BMAL1: variants seen among roughly 807,000 people sequenced by gnomAD.
BMAL1 encodes basic helix-loop-helix ARNT-like protein 1.
the BMAL1 span, among the ~76,000 whole-genome samples, chr11:13,356,063 A>C: frequency 1.2e-4 from 18 of 152,112 alleles, no homozygotes; most frequent in African/African-American, 3.9e-4. Context: ...GATGCAACGA[A>C]ACTTGGTTTT....
chr11:13,385,306 T>TTTC, the BMAL1 span, among the ~76,000 whole-genome samples: 1 of 152,230 alleles, frequency 6.6e-6, no homozygotes, highest in Admixed American at 6.5e-5. Flanking sequence ...AACTCCACTT[T>TTTC]TTCTTCTTCA....
chr11:13,375,513 C>T, the BMAL1 span: 232 of 1,017,750 alleles, frequency 2.3e-4, no homozygotes, highest in African/African-American at 3.6e-3. Context: ...AGAGCGATGT[C>T]GTTGGAGCTC....
the BMAL1 span, among the ~76,000 whole-genome samples, chr11:13,313,776 T>G: frequency 6.6e-6 from 1 of 152,180 alleles, no homozygotes; most frequent in East Asian, 1.9e-4. Context: ...AGCTTTCTTT[T>G]GCTTAAAGCT....
the BMAL1 span, among the ~76,000 whole-genome samples, chr11:13,361,833 G>T: frequency 6.6e-6 from 1 of 151,940 alleles, no homozygotes; most frequent in Non-Finnish European, 1.5e-5. Context: ...AGGTACCTTT[G>T]CCAGGTCTAA....
the BMAL1 span, among the ~76,000 whole-genome samples, chr11:13,314,052 T>C: frequency 6.6e-6 from 1 of 152,016 alleles, no homozygotes; most frequent in Non-Finnish European, 1.5e-5. Flanking sequence ...AACTCCAGTT[T>C]CCCCCAAATC....
chr11:13,381,847 G>A, the BMAL1 span, among the ~76,000 whole-genome samples: 1 of 152,264 alleles, frequency 6.6e-6, no homozygotes, highest in Admixed American at 6.5e-5. Context: ...ATCTTTGCTG[G>A]AGAACTTATA....
At chr11:13,284,146 GTATA>G in the BMAL1 span, among the ~76,000 whole-genome samples, 2 of 61,014 alleles carry the variant, frequency 3.3e-5, no homozygotes, top group East Asian at 5.6e-4. Context: ...ATATATATGT[GTATA>G]TATATATATG....
the BMAL1 span, among the ~76,000 whole-genome samples, chr11:13,284,710 G>A: frequency 5.3e-5 from 8 of 151,926 alleles, 2 homozygotes; most frequent in East Asian, 1.9e-4. Flanking sequence ...TTGCCCCCTC[G>A]TACTTAGACC....
At chr11:13,299,838 G>T in the BMAL1 span, among the ~76,000 whole-genome samples, 1 of 152,178 alleles carries the variant, frequency 6.6e-6, no homozygotes, top group Non-Finnish European at 1.5e-5. Context: ...CAGCAAGTGA[G>T]CAAATCCCTC....
At chr11:13,303,139 A>G in the BMAL1 span, among the ~76,000 whole-genome samples, 1 of 152,214 alleles carries the variant, frequency 6.6e-6, no homozygotes, top group Non-Finnish European at 1.5e-5. Flanking sequence ...TGAGCCTTCA[A>G]GGGATAGAGT....
At chr11:13,354,418 G>T in the BMAL1 span, 1 of 1,614,036 alleles carries the variant, frequency 6.2e-7, no homozygotes, top group Non-Finnish European at 8.5e-7. Context: ...GATTGCAACC[G>T]CAAACGGAAA....
chr11:13,376,043 C>T, the BMAL1 span, among the ~76,000 whole-genome samples: 1 of 152,210 alleles, frequency 6.6e-6, no homozygotes, highest in Non-Finnish European at 1.5e-5. Flanking sequence ...TCCACAGGCC[C>T]TGCACCCTAG....
At chr11:13,341,701 A>G in the BMAL1 span, among the ~76,000 whole-genome samples, 94,420 of 152,208 alleles carry the variant, frequency 0.62, 29,839 homozygotes, top group African/African-American at 0.66. Flanking sequence ...TGAAAGGAGT[A>G]TTACTCCCTG....
At chr11:13,372,368 T>C in the BMAL1 span, 30 of 1,614,044 alleles carry the variant, frequency 1.9e-5, no homozygotes, top group African/African-American at 4.0e-5. Context: ...AATATGTTTC[T>C]CGGCACGCGA....
At chr11:13,366,820 C>G in the BMAL1 span, 1 of 1,560,518 alleles carries the variant, frequency 6.4e-7, no homozygotes, top group South Asian at 1.1e-5. Flanking sequence ...CTCAGCAGCC[C>G]ACTCACAGGC....
the BMAL1 span, chr11:13,386,582 A>G: frequency 1.2e-6 from 2 of 1,602,408 alleles, no homozygotes; most frequent in Non-Finnish European, 1.7e-6. Flanking sequence ...ACCAGTCTTT[A>G]TCTCCTCCCA....
chr11:13,368,906 A>G, the BMAL1 span, among the ~76,000 whole-genome samples: 3 of 152,270 alleles, frequency 2.0e-5, no homozygotes, highest in African/African-American at 7.2e-5. Context: ...GCATGTAATA[A>G]TTATAAACAA....
the BMAL1 span, among the ~76,000 whole-genome samples, chr11:13,321,181 G>T: frequency 1.3e-5 from 2 of 152,116 alleles, no homozygotes; most frequent in Non-Finnish European, 2.9e-5. Flanking sequence ...GTCCTCAGAG[G>T]ATACCAGTTC....
the BMAL1 span, among the ~76,000 whole-genome samples, chr11:13,348,709 A>G: frequency 6.6e-6 from 1 of 152,188 alleles, no homozygotes; most frequent in Non-Finnish European, 1.5e-5. Flanking sequence ...TGAGAAGCAC[A>G]AAATTTCTGG....
Sources: gnomAD v4.1 joint callset for allele counts (sites outside exome capture counted in the v4.1 genomes callset) on GRCh38, gnomAD v4.1.1 for gene constraint, MANE v1.5 for transcripts, NCBI Gene and HGNC (gene_info 2026-07-23, HGNC 2026-07-21) for gene names.